Variants in ADAMTSL1 observed in about 807,000 individuals in gnomAD.
ADAMTSL1 encodes ADAMTS-like protein 1.
In ADAMTSL1, 126 loss-of-function variants were observed where a neutral mutation model predicts 201.8. The ratio of observed to expected loss-of-function variants is 0.62; its 90% CI spans 0.54 to 0.72. The LOEUF is 0.72. Among genes scored for constraint, ADAMTSL1 ranks in the 30% least tolerant of loss-of-function variants. ADAMTSL1 has a pLI of 0.00. For synonymous variants in ADAMTSL1, 1,121 were observed against 903.4 expected (o/e 1.24, Z -4.32); for missense variants, 2,679 against 2,277.8 (o/e 1.18, Z -3.59).
chr9:18,774,252 C>T lies in ADAMTSL1; in HGVS notation c.2398-1491C>T, dbSNP rs114769801. On this transcript the variant is annotated intron_variant, in intron 17 of 28. Coordinates refer to ENST00000380548, the MANE Select transcript of ADAMTSL1 (RefSeq NM_001040272.6). ...TCAAAACACCTCTTTCATCATGTCACCCCCCTCTTCAGTGGCTTCCCACTG... is the reference window on the plus strand; with the variant it reads ...TCAAAACACCTCTTTCATCATGTCATCCCCCTCTTCAGTGGCTTCCCACTG... Among the ~76,000 whole-genome samples, 336 of 151,960 alleles carry T rather than the reference C, an allele frequency of 2.2e-3. 3 individuals carry two copies. Among genetic ancestry groups the T allele is most frequent in the African/African-American group, 7.8e-3 (322 of 41,424 alleles).
chr9:18,226,674 C>G (rs1204322950), intron 2 of ADAMTSL1, among the ~76,000 whole-genome samples: 1 of 152,068 alleles, frequency 6.6e-6, no homozygotes, highest in East Asian at 1.9e-4. Flanking sequence ...CCCCATTCAG[C>G]CTTAACTGGT....
chr9:17,960,009 A>G (rs1452961299), intron 1 of ADAMTSL1, among the ~76,000 whole-genome samples: 1 of 152,180 alleles, frequency 6.6e-6, no homozygotes, highest in Non-Finnish European at 1.5e-5. Context: ...CCAAAGTTGC[A>G]GTGACTTAAA....
intron 15 of ADAMTSL1, among the ~76,000 whole-genome samples, chr9:18,724,674 A>G (rs984324470): frequency 7.2e-5 from 11 of 152,188 alleles, no homozygotes; most frequent in African/African-American, 2.7e-4. Context: ...TGTTTGACAC[A>G]TAGTAGATGA....
intron 23 of ADAMTSL1, among the ~76,000 whole-genome samples, chr9:18,862,642 G>A (rs1827281067): frequency 6.6e-6 from 1 of 152,176 alleles, no homozygotes; most frequent in African/African-American, 2.4e-5. Flanking sequence ...GGGAATTTCT[G>A]ACCTAGGACT....
At chr9:18,316,009 A>T (rs1352024892) in intron 2 of ADAMTSL1, among the ~76,000 whole-genome samples, 1 of 152,216 alleles carries the variant, frequency 6.6e-6, no homozygotes, top group East Asian at 1.9e-4. Context: ...CAAAAGAGAG[A>T]AATTTTAAAG....
intron 2 of ADAMTSL1, among the ~76,000 whole-genome samples, chr9:18,358,749 T>C (rs1836368546): frequency 6.6e-6 from 1 of 152,238 alleles, no homozygotes; most frequent in Non-Finnish European, 1.5e-5. Context: ...TTTATGCATA[T>C]GCCATATTTG....
intron 23 of ADAMTSL1, among the ~76,000 whole-genome samples, chr9:18,835,175 G>T (rs1278762321): frequency 6.6e-6 from 1 of 152,122 alleles, no homozygotes; most frequent in Non-Finnish European, 1.5e-5. Flanking sequence ...TGTGTGTGTA[G>T]TGGTTTCTCA....
At chr9:18,647,940 C>T (rs1463785334) in intron 7 of ADAMTSL1, among the ~76,000 whole-genome samples, 2 of 149,694 alleles carry the variant, frequency 1.3e-5, no homozygotes, top group African/African-American at 4.9e-5. Context: ...CCTGGGTATC[C>T]TTTTTGACTT....
chr9:18,898,871 T>C (rs1588343195), intron 26 of ADAMTSL1, among the ~76,000 whole-genome samples: 2 of 152,166 alleles, frequency 1.3e-5, no homozygotes, highest in African/African-American at 2.4e-5. Flanking sequence ...GCTGAGAGCA[T>C]TCCCCTTGAA....
Position 18,504,940 on chromosome 9 carries a change from C to T in ADAMTSL1, c.175C>T (p.Arg59Cys). The change falls in exon 2 of 29, where the codon CGC becomes TGC. Residue 59 changes from arginine to cysteine, a missense_variant. Physicochemically the swap from Arg to Cys is radical, Grantham distance 180 (BLOSUM62 -3). Coordinates refer to ENST00000380548, the MANE Select transcript of ADAMTSL1 (RefSeq NM_001040272.6). ...GGGTGGGGCCTCCTACTCTCTGAGG[C>T]GCTGCCTGAGCAGCAAGTAAGTCCT... ...CGGGASYSLR[R>C]CLSSKSCEGR... The T allele has an allele frequency of 6.2e-7, 1 of 1,609,466 alleles. No homozygotes were observed. The highest frequency in any genetic ancestry group is 2.2e-5 in the East Asian group (1 of 44,792).
intron 5 of ADAMTSL1, among the ~76,000 whole-genome samples, chr9:18,626,837 C>A (rs1172791172): frequency 8.0e-6 from 1 of 125,366 alleles, no homozygotes; most frequent in South Asian, 2.6e-4. Context: ...TTCTTACTTT[C>A]TTTTTCTTTC....
chr9:18,460,020 A>G (rs750035702), intron 2 of ADAMTSL1, among the ~76,000 whole-genome samples: 11 of 152,202 alleles, frequency 7.2e-5, no homozygotes, highest in Non-Finnish European at 1.5e-4. Context: ...GAATAGACAT[A>G]GTAACAGGAA....
At chr9:18,370,830 T>A (rs1837013289) in intron 2 of ADAMTSL1, among the ~76,000 whole-genome samples, 1 of 152,090 alleles carries the variant, frequency 6.6e-6, no homozygotes, top group Non-Finnish European at 1.5e-5. Flanking sequence ...TTTTTTCAGA[T>A]AGAGAAATTG....
intron 1 of ADAMTSL1, among the ~76,000 whole-genome samples, chr9:17,929,259 C>G (rs1020637234): frequency 1.3e-5 from 2 of 152,090 alleles, no homozygotes; most frequent in Non-Finnish European, 2.9e-5. Flanking sequence ...ATCAGTATTT[C>G]TCAGCCTTTT....
intron 9 of ADAMTSL1, among the ~76,000 whole-genome samples, chr9:18,663,226 TATTA>T (rs1350819586): frequency 6.6e-6 from 1 of 152,174 alleles, no homozygotes; most frequent in Non-Finnish European, 1.5e-5. Flanking sequence ...AAATTGCTGT[TATTA>T]ATTAATTCAC....
intron 1 of ADAMTSL1, among the ~76,000 whole-genome samples, chr9:18,151,910 C>A (rs535002843): frequency 6.6e-6 from 1 of 152,022 alleles, no homozygotes; most frequent in Non-Finnish European, 1.5e-5. Flanking sequence ...AATGTCCACA[C>A]ACTTTGTCAG....
chr9:17,910,758 T>C lies in ADAMTSL1; in HGVS notation c.87+3836T>C, dbSNP rs1231618412. Among the ~76,000 whole-genome samples the C allele has an allele frequency of 5.8e-5, 4 of 68,982 alleles. 1 individual carries two copies. Among genetic ancestry groups the C allele is most frequent in the African/African-American group, 1.2e-4 (4 of 34,136 alleles). 45.3% of individuals were successfully genotyped at this position (68,982 alleles called of 152,430 possible). Reference sequence around the variant, plus strand: ...TGTTTGTCAGAGCAGCTGTTTAAAGTCTTCACTTGGTTTTAATCATATAGG... The same window carrying C: ...TGTTTGTCAGAGCAGCTGTTTAAAGCCTTCACTTGGTTTTAATCATATAGG... On this transcript the variant is annotated intron_variant, in intron 1 of 29. Transcript: ENST00000680146.
rs769984944 is a variant in ADAMTSL1 at position 18,892,460 on chromosome 9, G to C, written c.4715G>C (p.Cys1572Ser). The C allele has an allele frequency of 1.2e-6, 2 of 1,613,396 alleles. No homozygotes were observed. The highest frequency in any genetic ancestry group is 3.3e-5 in the Admixed American group (2 of 59,964). Residue 1572 changes from cysteine to serine, a missense_variant, in exon 26 of 29, where the codon TGT becomes TCT. Cys to Ser is a moderately radical substitution (Grantham distance 112, BLOSUM62 -1). Transcript: ENST00000380548. ...GGGVQTRRVT[C>S]QKLKASGIST... The stretch of plus-strand genomic sequence containing the variant: ...GGTGTCCAGACCCGCAGGGTGACCT[G>C]TCAAAAGCTGAAAGCCTCTGGGATC...
intron 2 of ADAMTSL1, among the ~76,000 whole-genome samples, chr9:18,419,875 G>T (rs147122888): frequency 6.6e-6 from 1 of 151,842 alleles, no homozygotes; most frequent in African/African-American, 2.4e-5. Flanking sequence ...GACTACAGGC[G>T]CACGCCACTA....
Sources: gnomAD v4.1 joint callset for allele counts (sites outside exome capture counted in the v4.1 genomes callset) on GRCh38, gnomAD v4.1.1 for gene constraint, MANE v1.5 for transcripts, NCBI Gene and HGNC (gene_info 2026-07-23, HGNC 2026-07-21) for gene names.